Variants in DAB1 observed in about 807,000 individuals in gnomAD.
The protein encoded by DAB1 is DAB adaptor protein 1.
A neutral mutation model predicts 64.6 loss-of-function variants in DAB1; 15 were observed. That is an observed-to-expected ratio of 0.23 (90% CI 0.16 to 0.36). The LOEUF (loss-of-function observed/expected upper bound fraction) is 0.36. Among genes scored for constraint, DAB1 ranks in the 10% least tolerant of loss-of-function variants. The probability of loss-of-function intolerance (pLI) is 1.00; values close to 1 mark genes in which losing one functional copy is unlikely to be tolerated. For missense variants in DAB1, 596 were observed against 706.7 expected, an observed-to-expected ratio of 0.84 and a Z score of 1.78; for synonymous variants, 235 against 251.9, an observed-to-expected ratio of 0.93 and a Z score of 0.64.
chr1:57,504,007 A>G (rs72676931), intron 7 of DAB1, among the ~76,000 whole-genome samples: 28,303 of 152,146 alleles, frequency 0.19, 2,932 homozygotes, highest in Non-Finnish European at 0.24. Flanking sequence ...AGAATAGTGC[A>G]TATAGTACCT....
intron 3 of DAB1, among the ~76,000 whole-genome samples, chr1:58,461,058 T>TA (rs1645238723): frequency 6.6e-6 from 1 of 152,212 alleles, no homozygotes; most frequent in Non-Finnish European, 1.5e-5. Context: ...CTGTACCAGA[T>TA]AGAGTTTCAC....
chr1:58,050,599 G>A (rs532366508), intron 5 of DAB1, among the ~76,000 whole-genome samples: 65 of 151,974 alleles, frequency 4.3e-4, no homozygotes, highest in African/African-American at 1.5e-3. Context: ...GCGCAATCTC[G>A]GCTCACTGCA....
intron 1 of DAB1, among the ~76,000 whole-genome samples, chr1:58,535,941 A>G (rs969794064): frequency 6.6e-5 from 10 of 152,158 alleles, no homozygotes; most frequent in African/African-American, 2.4e-4. Context: ...TTCAATAAAT[A>G]TATACTAAGC....
intron 1 of DAB1, among the ~76,000 whole-genome samples, chr1:57,841,753 C>A (rs1653061378): frequency 6.6e-6 from 1 of 152,150 alleles, no homozygotes; most frequent in Non-Finnish European, 1.5e-5. Context: ...AACCATTTTT[C>A]CCTCCTAGGC....
chr1:57,235,573 A>C (rs1557995794), intron 2 of DAB1, among the ~76,000 whole-genome samples: 1 of 152,172 alleles, frequency 6.6e-6, no homozygotes, highest in Non-Finnish European at 1.5e-5. Context: ...GATAAGAATT[A>C]TTATTACTTG....
chr1:58,212,213 G>A, intron 4 of DAB1, among the ~76,000 whole-genome samples: 1 of 152,178 alleles, frequency 6.6e-6, no homozygotes, highest in Non-Finnish European at 1.5e-5. Context: ...TACAGCAGCA[G>A]AGAAGAACAG....
chr1:57,252,987 A>G (rs1669467096), intron 2 of DAB1, among the ~76,000 whole-genome samples: 1 of 152,212 alleles, frequency 6.6e-6, no homozygotes. Flanking sequence ...AGTCCATACA[A>G]CGGAGACACC....
At chr1:58,489,721 C>A (rs1447281957) in intron 3 of DAB1, among the ~76,000 whole-genome samples, 2 of 152,142 alleles carry the variant, frequency 1.3e-5, no homozygotes, top group African/African-American at 4.8e-5. Flanking sequence ...CCTCACAGGG[C>A]CGGGTACTCC....
chr1:57,561,040 G>A (rs1645044311), intron 7 of DAB1, among the ~76,000 whole-genome samples: 2 of 152,200 alleles, frequency 1.3e-5, no homozygotes, highest in Admixed American at 1.3e-4. Flanking sequence ...GAAGTGGTAT[G>A]TATGTGATTG....
At chr1:57,886,240 C>G (rs1644220262), upstream of DAB1, among the ~76,000 whole-genome samples, 1 of 151,038 alleles carries the variant, frequency 6.6e-6, no homozygotes, top group Non-Finnish European at 1.5e-5. Flanking sequence ...CTCACTGCAA[C>G]CTCCGCCTCC....
chr1:58,332,540 CTG>C (rs1044125609), intron 4 of DAB1, among the ~76,000 whole-genome samples: 17 of 152,166 alleles, frequency 1.1e-4, no homozygotes, highest in African/African-American at 3.6e-4. Flanking sequence ...TCTCTAAAAA[CTG>C]TGCATACATA....
At chr1:57,046,363 G>T (rs935181800) in intron 9 of DAB1, among the ~76,000 whole-genome samples, 1 of 152,028 alleles carries the variant, frequency 6.6e-6, no homozygotes, top group African/African-American at 2.4e-5. Flanking sequence ...GTATCCTTTG[G>T]GTTGTGACTG....
chr1:57,629,590 C>T (rs1393388722), intron 7 of DAB1, among the ~76,000 whole-genome samples: 1 of 152,076 alleles, frequency 6.6e-6, no homozygotes, highest in Non-Finnish European at 1.5e-5. Context: ...TGGCTTATTA[C>T]TAAAATGGGA....
At chr1:57,895,855 A>G (rs180764632) in intron 5 of DAB1, among the ~76,000 whole-genome samples, 1 of 152,326 alleles carries the variant, frequency 6.6e-6, no homozygotes, top group East Asian at 1.9e-4. Context: ...ATCTCTGCAG[A>G]ATTTCAACAA....
At chr1:57,625,082 G>A (rs147823462) in intron 7 of DAB1, among the ~76,000 whole-genome samples, 2 of 152,242 alleles carry the variant, frequency 1.3e-5, no homozygotes, top group Non-Finnish European at 2.9e-5. Context: ...GGGAAGGAAG[G>A]CATTTTCACC....
In DAB1 at chr1:57,269,312, C is replaced by A. The variant is rs370042588; in HGVS notation, c.67+21652G>T. On this transcript the variant is annotated intron_variant, in intron 2 of 14. Coordinates refer to ENST00000371236, the MANE Select transcript of DAB1 (RefSeq NM_001365792.1). ...GAGGGTGAATCTGAGTGACAAGCACCCCAGACCTGTCTAACTTCTCAGCCC... is the reference window on the plus strand; with the variant it reads ...GAGGGTGAATCTGAGTGACAAGCACACCAGACCTGTCTAACTTCTCAGCCC... Among the ~76,000 whole-genome samples the A allele has an allele frequency of 3.3e-5, 5 of 152,054 alleles. No individual in the cohort carries two copies. In the East Asian group the frequency reaches 5.8e-4, roughly 18 times the overall value.
chr1:57,224,458 T>C (rs548208257), intron 2 of DAB1, among the ~76,000 whole-genome samples: 1 of 152,298 alleles, frequency 6.6e-6, no homozygotes, highest in East Asian at 1.9e-4. Flanking sequence ...TAGAAGGCTT[T>C]CTTCAAGAGG....
intron 6 of DAB1, among the ~76,000 whole-genome samples, chr1:57,797,712 T>C (rs1650937877): frequency 6.6e-6 from 1 of 152,242 alleles, no homozygotes; most frequent in Non-Finnish European, 1.5e-5. Context: ...CTTTGTTCAG[T>C]CAATAACCTA....
At chr1:58,341,135 A>G (rs1643927562) in intron 4 of DAB1, among the ~76,000 whole-genome samples, 1 of 152,200 alleles carries the variant, frequency 6.6e-6, no homozygotes, top group Non-Finnish European at 1.5e-5. Flanking sequence ...TGAAGCAAAA[A>G]ATAATTAAGA....
Sources: gnomAD v4.1 joint callset for allele counts (sites outside exome capture counted in the v4.1 genomes callset) on GRCh38, gnomAD v4.1.1 for gene constraint, MANE v1.5 for transcripts, NCBI Gene and HGNC (gene_info 2026-07-23, HGNC 2026-07-21) for gene names.